SNTG1: variants seen among roughly 807,000 people sequenced by gnomAD.
The protein encoded by SNTG1 is gamma-1-syntrophin.
A neutral mutation model predicts 74.7 loss-of-function variants in SNTG1; 39 were observed. The ratio of observed to expected loss-of-function variants is 0.52; its 90% CI spans 0.40 to 0.68. SNTG1 has a LOEUF of 0.68. Among genes scored for constraint, SNTG1 ranks in the 30% least tolerant of loss-of-function variants. SNTG1 has a pLI of 0.00. For synonymous variants in SNTG1, 254 were observed against 217.1 expected (o/e 1.17, Z -1.49); for missense variants, 685 against 609.5 (o/e 1.12, Z -1.30).
intron 2 of SNTG1, among the ~76,000 whole-genome samples, chr8:50,270,633 G>A (rs538324067): frequency 1.4e-4 from 22 of 152,260 alleles, no homozygotes; most frequent in African/African-American, 5.1e-4. Context: ...ATGAGGGAAG[G>A]AAACTCACTC....
chr8:50,294,971 C>T (rs952060947), intron 2 of SNTG1, among the ~76,000 whole-genome samples: 1 of 152,150 alleles, frequency 6.6e-6, no homozygotes, highest in African/African-American at 2.4e-5. Flanking sequence ...TCACATCTCT[C>T]TCTCAGTCAA....
At chr8:50,386,829 C>G (rs1563316615) in intron 2 of SNTG1, among the ~76,000 whole-genome samples, 1 of 152,128 alleles carries the variant, frequency 6.6e-6, no homozygotes, top group Non-Finnish European at 1.5e-5. Context: ...AACACAAACA[C>G]TCTCCACCGG....
At chr8:49,929,125 A>G in intron 1 of SNTG1, among the ~76,000 whole-genome samples, 1 of 152,234 alleles carries the variant, frequency 6.6e-6, no homozygotes, top group East Asian at 1.9e-4. Context: ...TAATAAAGAA[A>G]ATAAAATCAA....
At chr8:50,686,862 G>C (rs547924375) in intron 15 of SNTG1, among the ~76,000 whole-genome samples, 2 of 152,064 alleles carry the variant, frequency 1.3e-5, no homozygotes, top group Non-Finnish European at 2.9e-5. Context: ...AGGGCCGGGC[G>C]CGGTGGCTCA....
chr8:50,134,785 T>C (rs936832779), intron 1 of SNTG1, among the ~76,000 whole-genome samples: 3 of 152,064 alleles, frequency 2.0e-5, no homozygotes, highest in Non-Finnish European at 2.9e-5. Context: ...TCAGGAAGAA[T>C]TGAGATTCAG....
At chr8:50,055,699 G>C (rs1819965347) in intron 1 of SNTG1, among the ~76,000 whole-genome samples, 1 of 152,000 alleles carries the variant, frequency 6.6e-6, no homozygotes, top group African/African-American at 2.4e-5. Context: ...TCTTTTCTCA[G>C]TACCTCTCCC....
chr8:50,008,348 T>C (rs1273181236), intron 1 of SNTG1, among the ~76,000 whole-genome samples: 1 of 152,208 alleles, frequency 6.6e-6, no homozygotes, highest in African/African-American at 2.4e-5. Flanking sequence ...CTAAATGAGC[T>C]AATATGTACA....
At position 50,158,169 on chromosome 8, in the gene SNTG1, A is replaced by G. The variant is rs189288806; in HGVS notation, c.-102-14392A>G. ...CTAAGCAGTAAAGGGTTCTCTTCCC[A>G]TTATCAGGTTCAGATTATGGTAGAT... is the stretch of plus-strand genomic sequence containing the variant. On this transcript the variant is annotated intron_variant, in intron 1 of 18. Transcript: ENST00000642720. 1.7e-3 allele frequency among the ~76,000 whole-genome samples: 265 copies of G among 152,244 alleles called. 2 individuals carry two copies. The highest frequency in any genetic ancestry group is 6.0e-3 in the African/African-American group (249 of 41,564).
chr8:50,600,212 T>G (rs939359381), intron 13 of SNTG1, among the ~76,000 whole-genome samples: 4 of 152,162 alleles, frequency 2.6e-5, no homozygotes, highest in African/African-American at 9.7e-5. Flanking sequence ...AGTATTTTGT[T>G]GAGGATTTTT....
intron 1 of SNTG1, among the ~76,000 whole-genome samples, chr8:50,034,152 A>G (rs1817959746): frequency 6.6e-6 from 1 of 152,222 alleles, no homozygotes; most frequent in Admixed American, 6.5e-5. Context: ...CAGGATCTGG[A>G]CTTTGGAAAA....
At chr8:50,533,443 A>G (rs185280989) in intron 10 of SNTG1, among the ~76,000 whole-genome samples, 2 of 152,336 alleles carry the variant, frequency 1.3e-5, no homozygotes, top group East Asian at 3.9e-4. Context: ...CAGTCACATT[A>G]TTAATATTGT....
At chr8:50,444,010 T>C (rs2093382446) in intron 5 of SNTG1, among the ~76,000 whole-genome samples, 1 of 151,930 alleles carries the variant, frequency 6.6e-6, no homozygotes. Context: ...TGGTGGCACA[T>C]GCCTGTAGTC....
chr8:50,103,486 T>C (rs932067749), intron 1 of SNTG1, among the ~76,000 whole-genome samples: 3 of 152,214 alleles, frequency 2.0e-5, no homozygotes, highest in Admixed American at 6.5e-5. Flanking sequence ...TTTCTAGATA[T>C]ACAATCATGT....
chr8:50,075,143 C>T (rs960175017), intron 1 of SNTG1, among the ~76,000 whole-genome samples: 7 of 152,316 alleles, frequency 4.6e-5, no homozygotes, highest in African/African-American at 1.4e-4. Context: ...CGAGCCTCTC[C>T]GCCTCCCCCC....
chr8:50,045,940 T>G (rs1819048558), intron 1 of SNTG1, among the ~76,000 whole-genome samples: 1 of 151,998 alleles, frequency 6.6e-6, no homozygotes, highest in African/African-American at 2.4e-5. Flanking sequence ...AGATCAGGGG[T>G]TAGCAAATTT....
At chr8:50,238,380 A>G (rs181047174) in intron 2 of SNTG1, among the ~76,000 whole-genome samples, 2 of 152,322 alleles carry the variant, frequency 1.3e-5, no homozygotes, top group Non-Finnish European at 2.9e-5. Flanking sequence ...TGACAATAAA[A>G]AGAAATGGGA....
intron 2 of SNTG1, among the ~76,000 whole-genome samples, chr8:50,366,789 T>C (rs1280514361): frequency 1.4e-5 from 2 of 144,654 alleles, no homozygotes; most frequent in Non-Finnish European, 3.0e-5. Flanking sequence ...ATATGGAAGA[T>C]ATAATACTAT....
At chr8:50,613,897 T>TCTATA (rs2094868444) in intron 13 of SNTG1, among the ~76,000 whole-genome samples, 1 of 152,104 alleles carries the variant, frequency 6.6e-6, no homozygotes, top group South Asian at 2.1e-4. Context: ...AAAATAAAAG[T>TCTATA]TGTAAAATAA....
intron 10 of SNTG1, among the ~76,000 whole-genome samples, chr8:50,536,127 A>G (rs907237579): frequency 6.6e-6 from 1 of 152,228 alleles, no homozygotes; most frequent in African/African-American, 2.4e-5. Context: ...AAGAAAGTAT[A>G]AACTTTTTAT....
Sources: allele counts gnomAD v4.1 joint callset (sites outside exome capture counted in the v4.1 genomes callset), GRCh38; gene constraint gnomAD v4.1.1; transcripts MANE v1.5; gene names NCBI Gene and HGNC (gene_info 2026-07-23, HGNC 2026-07-21).